The following LHPP variants were observed in gnomAD, a reference collection of about 807,000 sequenced individuals.
The protein encoded by LHPP is hLHPP.
A neutral mutation model predicts 30.3 loss-of-function variants in LHPP; 24 were observed. That is an observed-to-expected ratio of 0.79 (90% CI 0.57 to 1.11). The LOEUF is 1.11. Among genes scored for constraint, LHPP ranks in the 50% most tolerant of loss-of-function variants. LHPP has a pLI of 0.00. For missense variants in LHPP, 356 were observed against 367.2 expected, an observed-to-expected ratio of 0.97 and a Z score of 0.25; for synonymous variants, 150 against 157.1, an observed-to-expected ratio of 0.95 and a Z score of 0.34.
Position 124,601,180 on chromosome 10 carries a change from G to A in LHPP, c.717-12084G>A, listed in dbSNP as rs1176938832. Among the ~76,000 whole-genome samples, 61 of 152,208 alleles carry A rather than the reference G, an allele frequency of 4.0e-4. 1 individual carries two copies. The highest frequency in any genetic ancestry group is 4.0e-3 in the Admixed American group (61 of 15,286). ...GGGGAAGTGCACTAGAGTGACGTGT[G>A]CCTGGCGTGGGAACAGGGAGACATT... On this transcript the variant is annotated intron_variant, in intron 6 of 6. Transcript: ENST00000368842.
intron 1 of LHPP, among the ~76,000 whole-genome samples, chr10:124,469,700 G>A (rs1952671176): frequency 6.6e-6 from 1 of 151,658 alleles, no homozygotes; most frequent in Non-Finnish European, 1.5e-5. Context: ...CAAACATTGA[G>A]TGCCTCTGCT....
intron 6 of LHPP, among the ~76,000 whole-genome samples, chr10:124,573,948 C>T (rs1948621551): frequency 1.3e-5 from 2 of 152,082 alleles, no homozygotes; most frequent in Non-Finnish European, 2.9e-5. Flanking sequence ...ACCTGGGAAT[C>T]AAAAAGCCAC....
chr10:124,596,522 G>C lies in LHPP; in HGVS notation c.717-16742G>C, dbSNP rs1316594843. On this transcript the variant is annotated intron_variant, in intron 6 of 6. Transcript: ENST00000368842. This position sits in a 1 kb window ranked among gnomAD's most constrained non-coding sequence, Gnocchi z 4.6. ...TTTTAGGTGGAACACACACAGAGTG[G>C]GCCGGCGCTCATAAGCAGTCCCGTG... 6.6e-6 allele frequency among the ~76,000 whole-genome samples: 1 copy of C among 152,154 alleles called. No homozygotes were observed. The highest frequency in any genetic ancestry group is 1.5e-5 in the Non-Finnish European group (1 of 68,036).
At chr10:124,489,640 G>T (rs983396024) in intron 3 of LHPP, among the ~76,000 whole-genome samples, 6 of 152,032 alleles carry the variant, frequency 3.9e-5, no homozygotes, top group Non-Finnish European at 8.8e-5. Flanking sequence ...TTTTGGTAGA[G>T]GCGGGGTTTC....
chr10:124,533,477 G>A (rs541826050), intron 6 of LHPP, among the ~76,000 whole-genome samples: 2 of 152,332 alleles, frequency 1.3e-5, no homozygotes, highest in African/African-American at 4.8e-5. Flanking sequence ...TGACCTTGTG[G>A]CAGTCAGTGT....
At chr10:124,562,015 G>A (rs1468290337) in intron 6 of LHPP, among the ~76,000 whole-genome samples, 1 of 152,200 alleles carries the variant, frequency 6.6e-6, no homozygotes, top group Non-Finnish European at 1.5e-5. Context: ...CAAAGAAATA[G>A]AAGATACAGG....
intron 6 of LHPP, among the ~76,000 whole-genome samples, chr10:124,548,667 C>T (rs1955409853): frequency 6.6e-6 from 1 of 152,232 alleles, no homozygotes; most frequent in Non-Finnish European, 1.5e-5. Context: ...CCTGCTTTGA[C>T]CACCTCGGGA....
chr10:124,469,080 G>A (rs1469194863), intron 1 of LHPP, among the ~76,000 whole-genome samples: 3 of 152,180 alleles, frequency 2.0e-5, no homozygotes, highest in East Asian at 1.9e-4. Flanking sequence ...GTGGCCCTGC[G>A]CCTTTCATGC....
At chr10:124,568,332 G>C (rs1473150302) in intron 6 of LHPP, among the ~76,000 whole-genome samples, 1 of 152,186 alleles carries the variant, frequency 6.6e-6, no homozygotes, top group Non-Finnish European at 1.5e-5. Context: ...ACCAGCTCCG[G>C]ATCGAGAAGC....
intron 6 of LHPP, among the ~76,000 whole-genome samples, chr10:124,553,649 C>T (rs1425137357): frequency 1.3e-5 from 2 of 152,026 alleles, no homozygotes; most frequent in East Asian, 1.9e-4. Context: ...TTAGTAGAGA[C>T]AGGGTTTCAC....
chr10:124,479,889 G>A (rs565942466), intron 1 of LHPP, among the ~76,000 whole-genome samples: 1 of 152,298 alleles, frequency 6.6e-6, no homozygotes, highest in South Asian at 2.1e-4. Flanking sequence ...TTCTAGAGTG[G>A]AGATAATGGT....
chr10:124,494,983 C>T (rs1399942535), intron 3 of LHPP, among the ~76,000 whole-genome samples: 1 of 152,122 alleles, frequency 6.6e-6, no homozygotes, highest in Non-Finnish European at 1.5e-5. Context: ...ACCCGGTGTC[C>T]CCTCACTGTT....
intron 6 of LHPP, among the ~76,000 whole-genome samples, chr10:124,549,729 G>A (rs1955432062): frequency 6.6e-6 from 1 of 152,238 alleles, no homozygotes. Context: ...GCCTGCCTCT[G>A]GCCCTGTGGG....
rs541912636 is a variant in LHPP at position 124,528,414 on chromosome 10, A to C, written c.716+11143A>C. 7.3e-5 allele frequency among the ~76,000 whole-genome samples: 11 copies of C among 151,668 alleles called. No individual in the cohort carries two copies. In the East Asian group the frequency reaches 2.1e-3, roughly 30 times the overall value. On this transcript the variant is annotated intron_variant, in intron 6 of 6. Transcript: ENST00000368842. ...TGCTCTGTTGCCCAGGCTGGAGTGC[A>C]ATGGTGCGATCTTGGCTCATTGCAA...
intron 1 of LHPP, among the ~76,000 whole-genome samples, chr10:124,476,042 A>G (rs1952933969): frequency 6.6e-6 from 1 of 152,116 alleles, no homozygotes; most frequent in Non-Finnish European, 1.5e-5. Context: ...CAGGCACTTC[A>G]GAGAACACTC....
intron 5 of LHPP, among the ~76,000 whole-genome samples, chr10:124,503,126 G>A (rs7895145): frequency 0.6 from 91,127 of 151,554 alleles, 28,297 homozygotes; most frequent in African/African-American, 0.74. Context: ...CTGGAGTGCA[G>A]TGGTGCCTGG....
At chr10:124,577,147 G>T (rs1435208412) in intron 6 of LHPP, among the ~76,000 whole-genome samples, 2 of 152,176 alleles carry the variant, frequency 1.3e-5, no homozygotes, top group Non-Finnish European at 2.9e-5. Context: ...GCTCAGGTGG[G>T]TCCGTGCTGG....
At chr10:124,602,240 C>T (rs1949033222) in intron 6 of LHPP, among the ~76,000 whole-genome samples, 1 of 152,242 alleles carries the variant, frequency 6.6e-6, no homozygotes, top group Admixed American at 6.5e-5. Context: ...TGACTTTGAG[C>T]ATGGCTGTTC....
rs530358574 is a variant in LHPP, at chr10:124,461,836, C to T, written c.-27C>T. On this transcript the variant is annotated 5_prime_UTR_variant, in exon 1 of 7. Coordinates refer to ENST00000368842, the MANE Select transcript of LHPP (RefSeq NM_022126.4). ...GCCGGCGCCGGCGTCGGTTGGGACG[C>T]GGAGCTGAGGAGCAGGGCCGGGCGC... 3.2e-4 allele frequency: 398 copies of T among 1,230,444 alleles called. 1 individual carries two copies. In the African/African-American group the frequency reaches 5.7e-3, roughly 17 times the overall value. The allele number at this position is 1,230,444 out of a possible 1,614,324, so 76.2% of individuals were successfully genotyped here. A position where few individuals can be genotyped will look rare whatever the true frequency, so the allele number is the denominator to read the frequency against.
Sources: gnomAD v4.1 joint callset for allele counts (sites outside exome capture counted in the v4.1 genomes callset) on GRCh38, gnomAD v4.1.1 for gene constraint, Gnocchi (gnomAD v3.1) non-coding constraint, MANE v1.5 for transcripts, NCBI Gene and HGNC (gene_info 2026-07-23, HGNC 2026-07-21) for gene names.